Variants in DHRSX observed in about 807,000 individuals in gnomAD.
The protein encoded by DHRSX is polyprenol dehydrogenase.
Under a neutral mutation model 34.0 loss-of-function variants are expected in DHRSX, and 31 were observed. The ratio of observed to expected loss-of-function variants is 0.91; its 90% CI spans 0.69 to 1.23. The LOEUF (loss-of-function observed/expected upper bound fraction) is 1.23. DHRSX is among the 50% of genes most tolerant of loss of function. The probability of loss-of-function intolerance (pLI) is 0.00; values close to 1 mark genes in which losing one functional copy is unlikely to be tolerated. For synonymous variants in DHRSX, 201 were observed against 183.8 expected (o/e 1.09, Z -0.76); for missense variants, 414 against 428.1 (o/e 0.97, Z 0.29).
intron 6 of DHRSX, among the ~76,000 whole-genome samples, chrX:2,223,699 C>T (rs181942241): frequency 4.9e-4 from 74 of 151,764 alleles, no homozygotes; most frequent in African/African-American, 1.6e-3. Context: ...GGGCAGCCTT[C>T]AACGCAGAAA....
At chrX:2,438,445 C>T (rs974015748) in intron 1 of DHRSX, among the ~76,000 whole-genome samples, 5 of 152,036 alleles carry the variant, frequency 3.3e-5, no homozygotes, top group African/African-American at 7.2e-5. Flanking sequence ...CTAAGGTGGG[C>T]TGATCACCTG....
In DHRSX at chrX:2,314,196, G is replaced by A. The variant is rs1299319752; in HGVS notation, c.287-22593C>T. On this transcript the variant is annotated intron_variant, in intron 3 of 6. Coordinates refer to ENST00000334651, the MANE Select transcript of DHRSX (RefSeq NM_145177.3). ...GGGACGGAAGGAAGGAGGGAAGGAGGGAAGGAAGAGAGGGAGGGAAGGAGG... is the reference window on the plus strand; with the variant it reads ...GGGACGGAAGGAAGGAGGGAAGGAGAGAAGGAAGAGAGGGAGGGAAGGAGG... 4.0e-4 allele frequency among the ~76,000 whole-genome samples: 35 copies of A among 88,158 alleles called. 1 individual carries two copies. In the Admixed American group the frequency reaches 4.6e-3, roughly 12 times the overall value. 57.8% of individuals were successfully genotyped at this position (88,158 alleles called of 152,430 possible).
At chrX:2,248,437 AAAAAAAG>A (rs1280810494) in intron 5 of DHRSX, among the ~76,000 whole-genome samples, 1 of 149,988 alleles carries the variant, frequency 6.7e-6, no homozygotes, top group African/African-American at 2.4e-5. Context: ...TGTCTCAAAA[AAAAAAAG>A]AAAAAAGAAA....
intron 2 of DHRSX, among the ~76,000 whole-genome samples, chrX:2,421,731 T>C (rs1018203842): frequency 1.5e-4 from 23 of 152,178 alleles, no homozygotes; most frequent in African/African-American, 5.5e-4. Flanking sequence ...TGGAGAGAGC[T>C]AACTCAAAGC....
At chrX:2,318,351 A>AC (rs200794420) in intron 3 of DHRSX, among the ~76,000 whole-genome samples, 1 of 141,442 alleles carries the variant, frequency 7.1e-6, no homozygotes, top group African/African-American at 2.6e-5. Context: ...ACCCAATCTC[A>AC]AAAAAAAAAA....
At chrX:2,275,642 T>C (rs776422966) in intron 4 of DHRSX, among the ~76,000 whole-genome samples, 51 of 152,048 alleles carry the variant, frequency 3.4e-4, no homozygotes, top group Middle Eastern at 3.4e-3. Flanking sequence ...CCAAAATTAA[T>C]TATCACATTC....
At chrX:2,408,675 G>A in intron 3 of DHRSX, 70 bp downstream of exon 3, 1 of 1,389,162 alleles carries the variant, frequency 7.2e-7, no homozygotes, top group Non-Finnish European at 1.0e-6. Flanking sequence ...GCTCAGCCAT[G>A]AACCACGCAA....
At chrX:2,454,186 G>A (rs2044265063) in intron 1 of DHRSX, among the ~76,000 whole-genome samples, 2 of 152,066 alleles carry the variant, frequency 1.3e-5, no homozygotes. Context: ...CATGACACAA[G>A]GGGTTCCAAG....
intron 3 of DHRSX, among the ~76,000 whole-genome samples, chrX:2,323,733 C>A (rs753155728): frequency 6.6e-6 from 1 of 152,284 alleles, no homozygotes; most frequent in East Asian, 1.9e-4. Context: ...CACACCACTG[C>A]ACTCCAGCCT....
intron 5 of DHRSX, among the ~76,000 whole-genome samples, chrX:2,244,005 G>A (rs969081981): frequency 1.1e-4 from 16 of 150,302 alleles, no homozygotes; most frequent in East Asian, 2.0e-4. Context: ...TCCTGACCTC[G>A]GGTGATCCAC....
intron 5 of DHRSX, among the ~76,000 whole-genome samples, chrX:2,262,076 C>A (rs2041370943): frequency 6.6e-6 from 1 of 152,124 alleles, no homozygotes; most frequent in Non-Finnish European, 1.5e-5. Flanking sequence ...TGTGGAGCCC[C>A]GAGTGGGCAT....
chrX:2,344,235 T>A (rs187226466), intron 3 of DHRSX, among the ~76,000 whole-genome samples: 1 of 152,284 alleles, frequency 6.6e-6, no homozygotes, highest in East Asian at 1.9e-4. Context: ...TTACATTTTC[T>A]CTGAATTTTT....
At chrX:2,482,597 T>G (rs1177865985) in intron 1 of DHRSX, among the ~76,000 whole-genome samples, 10 of 152,170 alleles carry the variant, frequency 6.6e-5, no homozygotes. Flanking sequence ...AACTTTATTA[T>G]TCTTTGCATT....
rs749864998 is a variant in DHRSX at position 2,473,433 on chromosome X, G to A, written c.109+27384C>T. Among the ~76,000 whole-genome samples, 3 of 152,240 alleles carry A rather than the reference G, an allele frequency of 2.0e-5. No individual in the cohort carries two copies. The South Asian group carries it at 6.2e-4, about 32-fold the overall frequency. ...GAAGTCAGGAGTTCGAGACCAGCAT[G>A]ACCAACATGAAGAAAACCCATCTCT... On this transcript the variant is annotated intron_variant, in intron 1 of 6. Transcript: ENST00000334651.
At chrX:2,458,034 G>A (rs1265798942) in intron 1 of DHRSX, among the ~76,000 whole-genome samples, 3 of 151,470 alleles carry the variant, frequency 2.0e-5, no homozygotes. Flanking sequence ...AGGGACTGCC[G>A]CCATGTACAC....
At chrX:2,248,875 G>A (rs1474501765) in intron 5 of DHRSX, among the ~76,000 whole-genome samples, 3 of 152,100 alleles carry the variant, frequency 2.0e-5, no homozygotes, top group African/African-American at 2.4e-5. Flanking sequence ...TTCAGACGTC[G>A]TTGAACCTAA....
chrX:2,418,823 T>C (rs2043731271), intron 2 of DHRSX, among the ~76,000 whole-genome samples: 1 of 152,190 alleles, frequency 6.6e-6, no homozygotes, highest in South Asian at 2.1e-4. Flanking sequence ...AAGTTTGTCA[T>C]GTTGTTAATG....
rs1556508791 is a variant in DHRSX at position 2,405,918 on chromosome X, A to AAC, written c.286+2826_286+2827insGT. ...GATGTGCATTTAAAAAAAAAAAAAA[A>AAC]ATAAGGTACCACACATAAACATGGC... On this transcript the variant is annotated intron_variant, in intron 3 of 6. Transcript: ENST00000334651. 6.6e-4 allele frequency among the ~76,000 whole-genome samples: 99 copies of AAC among 149,482 alleles called. 2 individuals are homozygous for AAC. Among genetic ancestry groups the AAC allele is most frequent in the Middle Eastern group, 3.5e-3 (1 of 286 alleles).
At chrX:2,235,986 C>G (rs2016005412) in intron 6 of DHRSX, among the ~76,000 whole-genome samples, 1 of 151,562 alleles carries the variant, frequency 6.6e-6, no homozygotes, top group South Asian at 2.1e-4. Flanking sequence ...GTGGGACATG[C>G]CTATAATCCC....
Sources: gnomAD v4.1 joint callset for allele counts (sites outside exome capture counted in the v4.1 genomes callset) on GRCh38, gnomAD v4.1.1 for gene constraint, MANE v1.5 for transcripts, NCBI Gene and HGNC (gene_info 2026-07-23, HGNC 2026-07-21) for gene names.